The following GLIS3 variants were observed in gnomAD, a reference collection of about 807,000 sequenced individuals.
GLIS3 encodes the protein zinc finger protein GLIS3.
In GLIS3, 53 loss-of-function variants were observed where a neutral mutation model predicts 78.6. The observed-to-expected ratio is 0.67, with a 90% CI of 0.54 to 0.85. The LOEUF is 0.85. Among genes scored for constraint, GLIS3 ranks in the 40% least tolerant of loss-of-function variants. GLIS3 has a pLI of 0.00. For missense variants in GLIS3, 1,703 were observed against 1,231.1 expected, an observed-to-expected ratio of 1.38 and a Z score of -5.74; for synonymous variants, 684 against 509.9, an observed-to-expected ratio of 1.34 and a Z score of -4.60.
the GLIS3 span, among the ~76,000 whole-genome samples, chr9:4,388,254 A>G: frequency 1.3e-5 from 2 of 152,212 alleles, no homozygotes; most frequent in African/African-American, 2.4e-5. Context: ...ATATTAAAAG[A>G]TAAGAGTTTC....
chr9:4,296,381 C>T (rs1396302516), intron 1 of GLIS3, among the ~76,000 whole-genome samples: 1 of 151,826 alleles, frequency 6.6e-6, no homozygotes, highest in African/African-American at 2.4e-5. Context: ...GAAGGCAGGG[C>T]TAATACAAAA....
intron 2 of GLIS3, among the ~76,000 whole-genome samples, chr9:4,284,390 CTAA>C (rs1051002176): frequency 3.9e-5 from 6 of 152,272 alleles, no homozygotes; most frequent in African/African-American, 1.4e-4. Context: ...CAAGCATGCG[CTAA>C]AAGGCTTTAT....
intron 6 of GLIS3, among the ~76,000 whole-genome samples, chr9:3,912,185 A>G (rs555335335): frequency 3.0e-4 from 46 of 152,278 alleles, no homozygotes; most frequent in African/African-American, 1.1e-3. Flanking sequence ...CTTGTTGCAT[A>G]AAATTAATTT....
At position 4,118,566 on chromosome 9, in the gene GLIS3, G is replaced by A. The variant is rs774922691; in HGVS notation, c.912C>T (p.Ser304=). 1.2e-6 allele frequency: 2 copies of A among 1,614,134 alleles called. No homozygotes were observed. The highest frequency in any genetic ancestry group is 4.5e-5 in the East Asian group (2 of 44,886). Residue 304 remains serine, a synonymous_variant, in exon 4 of 11, where the codon TCC becomes TCT. Coordinates refer to ENST00000381971, the MANE Select transcript of GLIS3 (RefSeq NM_001042413.2). The surrounding 1 kb of genome is among the most constrained non-coding windows in gnomAD (Gnocchi z 4.7). The part of the protein sequence containing the change: ...HSARSKKRAL[S]LSPLSDGIGI... ...CGATGCCATCGGACAGCGGGGACAA[G>A]GACAGCGCTCTCTTCTTGGAGCGGG...
chr9:4,437,134 T>A, the GLIS3 span, among the ~76,000 whole-genome samples: 1 of 152,136 alleles, frequency 6.6e-6, no homozygotes, highest in Non-Finnish European at 1.5e-5. Context: ...GTGTGAAGAT[T>A]TTCTCACCTG....
the GLIS3 span, among the ~76,000 whole-genome samples, chr9:4,363,566 G>T: frequency 6.6e-6 from 1 of 152,190 alleles, no homozygotes; most frequent in East Asian, 1.9e-4. Context: ...AAATTTCAGT[G>T]TAGAAATTCT....
At chr9:4,291,659 T>C (rs1815991789) in intron 1 of GLIS3, among the ~76,000 whole-genome samples, 1 of 152,042 alleles carries the variant, frequency 6.6e-6, no homozygotes, top group Non-Finnish European at 1.5e-5. Flanking sequence ...GATTCAGGAA[T>C]TTACTCCTCT....
chr9:4,472,454 G>T, the GLIS3 span, among the ~76,000 whole-genome samples: 2 of 152,202 alleles, frequency 1.3e-5, no homozygotes, highest in East Asian at 1.9e-4. Flanking sequence ...CACGTCCTTT[G>T]TAGGGACATG....
chr9:3,958,185 G>A (rs976028633), intron 4 of GLIS3, among the ~76,000 whole-genome samples: 2 of 152,088 alleles, frequency 1.3e-5, no homozygotes, highest in African/African-American at 4.8e-5. Flanking sequence ...GTGAACAACT[G>A]CACAATTCAG....
intron 2 of GLIS3, among the ~76,000 whole-genome samples, chr9:4,240,755 C>A (rs192826429): frequency 1.3e-5 from 2 of 152,094 alleles, no homozygotes. Context: ...AAAATGGATA[C>A]TAGGCTTAAT....
intron 6 of GLIS3, among the ~76,000 whole-genome samples, chr9:3,909,746 G>A (rs611685): frequency 0.72 from 109,376 of 151,988 alleles, 39,674 homozygotes; most frequent in Middle Eastern, 0.76. Context: ...AAGAAACATA[G>A]AATTTCAGAG....
chr9:4,136,591 G>T (rs1039580905), intron 2 of GLIS3, among the ~76,000 whole-genome samples: 2 of 152,158 alleles, frequency 1.3e-5, no homozygotes, highest in African/African-American at 4.8e-5. Flanking sequence ...ACTCATCTAA[G>T]ACTGGCATTC....
chr9:4,325,595 C>T (rs1213441469), intron 2 of GLIS3, among the ~76,000 whole-genome samples: 1 of 152,160 alleles, frequency 6.6e-6, no homozygotes, highest in Non-Finnish European at 1.5e-5. Context: ...TCCAGGATGC[C>T]TTTTCTACTT....
chr9:4,421,283 C>T, the GLIS3 span, among the ~76,000 whole-genome samples: 1 of 152,176 alleles, frequency 6.6e-6, no homozygotes, highest in Non-Finnish European at 1.5e-5. Context: ...AAAGGGGGTC[C>T]ATCCAAGACA....
chr9:4,466,458 T>C, the GLIS3 span, among the ~76,000 whole-genome samples: 1 of 152,180 alleles, frequency 6.6e-6, no homozygotes, highest in Non-Finnish European at 1.5e-5. Context: ...GTATTACCCT[T>C]AATCCAAAAC....
intron 4 of GLIS3, among the ~76,000 whole-genome samples, chr9:4,004,572 G>A (rs1290424039): frequency 6.6e-6 from 1 of 152,110 alleles, no homozygotes; most frequent in African/African-American, 2.4e-5. Context: ...CAAGAAAAAA[G>A]AAAAGGGCAA....
chr9:4,275,626 G>C (rs1274233989), intron 2 of GLIS3, among the ~76,000 whole-genome samples: 1 of 151,304 alleles, frequency 6.6e-6, no homozygotes, highest in Non-Finnish European at 1.5e-5. Flanking sequence ...AGCCAGGTGT[G>C]GTGATACACC....
At chr9:3,834,587 T>C (rs1255163751) in intron 9 of GLIS3, among the ~76,000 whole-genome samples, 1 of 152,122 alleles carries the variant, frequency 6.6e-6, no homozygotes, top group Non-Finnish European at 1.5e-5. Flanking sequence ...TTCAAGAGTA[T>C]TTCAAATTAA....
chr9:4,144,269 C>A (rs1047286224), intron 2 of GLIS3, among the ~76,000 whole-genome samples: 1 of 152,142 alleles, frequency 6.6e-6, no homozygotes, highest in Non-Finnish European at 1.5e-5. Context: ...TCAGCTCAAC[C>A]GACTTGTTTT....
Sources: gnomAD v4.1 joint callset for allele counts (sites outside exome capture counted in the v4.1 genomes callset) on GRCh38, gnomAD v4.1.1 for gene constraint, Gnocchi (gnomAD v3.1) non-coding constraint, MANE v1.5 for transcripts, NCBI Gene and HGNC (gene_info 2026-07-23, HGNC 2026-07-21) for gene names.